NTAQ1: variants seen among roughly 807,000 people sequenced by gnomAD.
The protein encoded by NTAQ1 is protein N-terminal glutamine amidohydrolase.
In NTAQ1, 21 loss-of-function variants were observed where a neutral mutation model predicts 28.2. That is an observed-to-expected ratio of 0.74 (90% CI 0.53 to 1.07). The LOEUF (loss-of-function observed/expected upper bound fraction) is 1.07. NTAQ1 is among the 50% of genes least tolerant of loss of function. The pLI is 0.00. For missense variants in NTAQ1, 264 were observed against 256.6 expected (o/e 1.03, Z -0.20); for synonymous variants, 105 against 90.0 (o/e 1.17, Z -0.94).
At chr8:123,431,749 C>G (rs865968010) in intron 3 of NTAQ1, among the ~76,000 whole-genome samples, 34 of 152,188 alleles carry the variant, frequency 2.2e-4, no homozygotes, top group African/African-American at 7.7e-4. Context: ...TTCAGTGTCT[C>G]CCCCTGGTCA....
intron 3 of NTAQ1, among the ~76,000 whole-genome samples, chr8:123,432,931 C>T (rs1162179269): frequency 1.3e-5 from 2 of 152,154 alleles, no homozygotes; most frequent in Non-Finnish European, 2.9e-5. Context: ...CCGCCCGCCT[C>T]GGCCTCCCAA....
intron 6 of NTAQ1, among the ~76,000 whole-genome samples, chr8:123,463,042 G>A (rs1027104683): frequency 6.6e-6 from 1 of 152,104 alleles, no homozygotes; most frequent in Non-Finnish European, 1.5e-5. Flanking sequence ...ATGGGAATAC[G>A]GTGGCTCCAG....
At chr8:123,466,842 A>G (rs1445357126) in intron 6 of NTAQ1, among the ~76,000 whole-genome samples, 2 of 152,258 alleles carry the variant, frequency 1.3e-5, no homozygotes, top group South Asian at 2.1e-4. Flanking sequence ...CAGTAAAGGG[A>G]TGATGGAAGA....
Position 123,427,982 on chromosome 8 carries a change from G to C in NTAQ1, c.142G>C (p.Glu48Gln), listed in dbSNP as rs36106400. ...YIKNHDQYPL[E>Q]ECYAVFISNE... ...CAAAAACCATGACCAGTATCCTTTA[G>C]AAGAATGTTATGCTGTCTTCATATC... The change falls in exon 2 of 6, where the codon GAA becomes CAA. Residue 48 changes from glutamate (E) to glutamine (Q), a missense_variant. Glu to Gln is a conservative substitution (Grantham distance 29). Coordinates refer to ENST00000287387, the MANE Select transcript of NTAQ1 (RefSeq NM_018024.3). The C allele has an allele frequency of 1.2e-6, 2 of 1,611,448 alleles. No homozygotes were observed. The highest frequency in any genetic ancestry group is 1.7e-6 in the Non-Finnish European group (2 of 1,179,234).
intron 3 of NTAQ1, chr8:123,435,374 T>C (rs1814640982): frequency 1.4e-6 from 1 of 723,316 alleles, no homozygotes; most frequent in Admixed American, 6.3e-5. Context: ...TAAAAAATAG[T>C]TTTTCCTTTC....
At chr8:123,463,019 A>G (rs559191632) in intron 6 of NTAQ1, among the ~76,000 whole-genome samples, 14 of 152,322 alleles carry the variant, frequency 9.2e-5, no homozygotes, top group Non-Finnish European at 1.6e-4. Flanking sequence ...CAGGGGGAGC[A>G]TTTAGTACAG....
rs1364796938 is a variant in NTAQ1, at chr8:123,418,941, C to G, written c.83+2009C>G. Among the ~76,000 whole-genome samples, 13 of 152,158 alleles carry G rather than the reference C, an allele frequency of 8.5e-5. No individual in the cohort carries two copies. The East Asian group carries it at 2.3e-3, about 27-fold the overall frequency. On this transcript the variant is annotated intron_variant, in intron 1 of 5. Transcript: ENST00000287387. ...AGCACCCTAGCCCTAGTTATGACAACCAAAAATGTCTCCAGACATTGCTAA... is the reference window on the plus strand; with the variant it reads ...AGCACCCTAGCCCTAGTTATGACAAGCAAAAATGTCTCCAGACATTGCTAA...
At chr8:123,421,666 G>GC (rs1029010889) in intron 1 of NTAQ1, among the ~76,000 whole-genome samples, 1 of 150,518 alleles carries the variant, frequency 6.6e-6, no homozygotes, top group African/African-American at 2.4e-5. Context: ...GCACCACCAT[G>GC]CCCAGCTAAG....
chr8:123,424,283 C>A (rs1813905650), intron 1 of NTAQ1, among the ~76,000 whole-genome samples: 2 of 151,554 alleles, frequency 1.3e-5, no homozygotes, highest in Admixed American at 6.6e-5. Flanking sequence ...TGCACTGTTG[C>A]CTGGGCTGGA....
At chr8:123,422,977 G>A (rs1813800512) in intron 1 of NTAQ1, among the ~76,000 whole-genome samples, 1 of 151,996 alleles carries the variant, frequency 6.6e-6, no homozygotes, top group South Asian at 2.1e-4. Flanking sequence ...CTTTATTTCT[G>A]GGTTCTCTAA....
chr8:123,451,599 A>C (rs13250937), downstream of NTAQ1, among the ~76,000 whole-genome samples: 54,990 of 151,980 alleles, frequency 0.36, 10,039 homozygotes, highest in East Asian at 0.56. Context: ...TCAGCCTCCC[A>C]AAATGCTGGG....
At chr8:123,451,773 G>A (rs1433623693), downstream of NTAQ1, among the ~76,000 whole-genome samples, 2 of 152,136 alleles carry the variant, frequency 1.3e-5, no homozygotes, top group Non-Finnish European at 2.9e-5. Flanking sequence ...TTCAATAAAG[G>A]AACAACTCCT....
chr8:123,464,236 C>G (rs1314025744), intron 6 of NTAQ1, among the ~76,000 whole-genome samples: 1 of 152,122 alleles, frequency 6.6e-6, no homozygotes, highest in Non-Finnish European at 1.5e-5. Context: ...CTTTATACCC[C>G]TAAAGGGACC....
chr8:123,433,227 G>A (rs1252748558), intron 3 of NTAQ1, among the ~76,000 whole-genome samples: 1 of 152,132 alleles, frequency 6.6e-6, no homozygotes, highest in African/African-American at 2.4e-5. Flanking sequence ...CTTTTCCTTT[G>A]CAGTCCCTCA....
At chr8:123,432,868 T>C (rs899761479) in intron 3 of NTAQ1, among the ~76,000 whole-genome samples, 4 of 151,950 alleles carry the variant, frequency 2.6e-5, no homozygotes, top group African/African-American at 9.7e-5. Flanking sequence ...TTAGTAGAGA[T>C]GGGATTTTGC....
chr8:123,453,144 A>G (rs1815553132), intron 6 of NTAQ1, among the ~76,000 whole-genome samples: 3 of 152,186 alleles, frequency 2.0e-5, no homozygotes, highest in Admixed American at 2.0e-4. Context: ...GTTCCCACTC[A>G]AGGCCCACAG....
At chr8:123,475,102 A>G in the NTAQ1 span, among the ~76,000 whole-genome samples, 2 of 152,100 alleles carry the variant, frequency 1.3e-5, no homozygotes, top group Non-Finnish European at 2.9e-5. Context: ...TTATATCAAT[A>G]TGGGCTGATG....
chr8:123,465,732 C>T (rs1298019486), intron 6 of NTAQ1, among the ~76,000 whole-genome samples: 1 of 151,840 alleles, frequency 6.6e-6, no homozygotes, highest in Admixed American at 6.6e-5. Context: ...CAGGCGCCCG[C>T]CACCATGCCA....
intron 6 of NTAQ1, among the ~76,000 whole-genome samples, chr8:123,455,511 C>T (rs1815624405): frequency 6.7e-6 from 1 of 149,582 alleles, no homozygotes; most frequent in Non-Finnish European, 1.5e-5. Context: ...TTACAACCGT[C>T]GCCTCCTGGG....
Sources: gnomAD v4.1 joint callset for allele counts (sites outside exome capture counted in the v4.1 genomes callset) on GRCh38, gnomAD v4.1.1 for gene constraint, MANE v1.5 for transcripts, NCBI Gene and HGNC (gene_info 2026-07-23, HGNC 2026-07-21) for gene names.